Variants in PELI2 observed in about 807,000 individuals in gnomAD.
PELI2 encodes E3 ubiquitin-protein ligase pellino homolog 2.
Under a neutral mutation model 42.3 loss-of-function variants are expected in PELI2, and 23 were observed. That is an observed-to-expected ratio of 0.54 (90% CI 0.39 to 0.77). The LOEUF (loss-of-function observed/expected upper bound fraction) is 0.77. Among genes scored for constraint, PELI2 ranks in the 30% least tolerant of loss-of-function variants. The pLI is 0.00. For missense variants in PELI2, 463 were observed against 553.2 expected, an observed-to-expected ratio of 0.84 and a Z score of 1.64; for synonymous variants, 245 against 212.2, an observed-to-expected ratio of 1.15 and a Z score of -1.34.
intron 2 of PELI2, among the ~76,000 whole-genome samples, chr14:56,266,333 A>G (rs1053096027): frequency 6.6e-6 from 1 of 152,010 alleles, no homozygotes; most frequent in Non-Finnish European, 1.5e-5. Context: ...AACACAAATG[A>G]GTGGGAAGAT....
At chr14:56,213,763 ATTAT>A (rs1029769812) in intron 2 of PELI2, among the ~76,000 whole-genome samples, 17 of 152,098 alleles carry the variant, frequency 1.1e-4, no homozygotes, top group African/African-American at 4.1e-4. Flanking sequence ...AAAACTTAAG[ATTAT>A]TTATTTAGTT....
chr14:56,145,041 A>C (rs951428077), intron 1 of PELI2: 1 of 754,560 alleles, frequency 1.3e-6, no homozygotes. Context: ...GTGTATTGCT[A>C]TGAAGAACTT....
chr14:56,127,766 C>T (rs1883328436), intron 1 of PELI2, among the ~76,000 whole-genome samples: 1 of 152,084 alleles, frequency 6.6e-6, no homozygotes, highest in Admixed American at 6.5e-5. Flanking sequence ...CTGAAATTTC[C>T]CCAGATTCTG....
chr14:56,135,871 G>A (rs1883671566), intron 1 of PELI2, among the ~76,000 whole-genome samples: 1 of 152,214 alleles, frequency 6.6e-6, no homozygotes, highest in African/African-American at 2.4e-5. Flanking sequence ...TAGGTTAACT[G>A]ATGATTAAGC....
intron 1 of PELI2, among the ~76,000 whole-genome samples, chr14:56,143,256 T>C (rs1183585751): frequency 6.6e-6 from 1 of 152,238 alleles, no homozygotes; most frequent in East Asian, 1.9e-4. Context: ...CAGTTTTGTC[T>C]AGAAGTCCAC....
At chr14:56,187,556 G>A (rs1384495795) in intron 2 of PELI2, among the ~76,000 whole-genome samples, 1 of 152,196 alleles carries the variant, frequency 6.6e-6, no homozygotes, top group Non-Finnish European at 1.5e-5. Context: ...GAGGATCATT[G>A]AGGTACCAGT....
intron 3 of PELI2, among the ~76,000 whole-genome samples, chr14:56,283,308 C>T (rs1005479232): frequency 6.6e-6 from 1 of 152,138 alleles, no homozygotes; most frequent in African/African-American, 2.4e-5. Context: ...TATCGAAAGA[C>T]TCAAGATTTA....
Position 56,296,830 on chromosome 14 carries a change from A to G in PELI2, c.927A>G (p.Ala309=), listed in dbSNP as rs1234088249. 1.9e-6 allele frequency: 3 copies of G among 1,614,018 alleles called. No homozygotes were observed. The highest frequency in any genetic ancestry group is 2.7e-5 in the African/African-American group (2 of 74,932). ...TGGTGGAGGAGAAGCAGCCCTGGGCATATCTCAGTTGTGGCCACGTGCACG... is the reference window on the plus strand; with the variant it reads ...TGGTGGAGGAGAAGCAGCCCTGGGCGTATCTCAGTTGTGGCCACGTGCACG... ...KEVVEEKQPW[A]YLSCGHVHGY... Residue 309 remains alanine (A), a synonymous_variant, in exon 6 of 6, where the codon GCA becomes GCG. Transcript: ENST00000267460.
intron 1 of PELI2, among the ~76,000 whole-genome samples, chr14:56,126,643 T>G (rs1241111903): frequency 1.3e-5 from 2 of 152,212 alleles, no homozygotes; most frequent in African/African-American, 4.8e-5. Flanking sequence ...CTTTCCCATC[T>G]TGTGCTTCCT....
At chr14:56,221,099 C>T (rs550328813) in intron 2 of PELI2, among the ~76,000 whole-genome samples, 1 of 152,230 alleles carries the variant, frequency 6.6e-6, no homozygotes, top group South Asian at 2.1e-4. Context: ...TTCTAGAAAG[C>T]CGAAGTTGCA....
chr14:56,216,165 C>T (rs1236319912), intron 2 of PELI2, among the ~76,000 whole-genome samples: 1 of 150,852 alleles, frequency 6.6e-6, no homozygotes. Context: ...TTTGTGTACC[C>T]ATGAAATCAT....
intron 2 of PELI2, among the ~76,000 whole-genome samples, chr14:56,191,643 C>A (rs1885951580): frequency 6.6e-6 from 1 of 152,172 alleles, no homozygotes; most frequent in African/African-American, 2.4e-5. Flanking sequence ...ATTCCTTGCC[C>A]ACCTTCTGAG....
intron 1 of PELI2, among the ~76,000 whole-genome samples, chr14:56,160,879 C>T (rs906180612): frequency 6.6e-5 from 10 of 152,324 alleles, no homozygotes; most frequent in African/African-American, 2.4e-4. Flanking sequence ...AAGTTCACAG[C>T]ATCAGCTAGG....
chr14:56,225,705 C>T (rs2139758743), intron 2 of PELI2, among the ~76,000 whole-genome samples: 1 of 152,276 alleles, frequency 6.6e-6, no homozygotes, highest in South Asian at 2.1e-4. Context: ...CCTCGGTTTT[C>T]CTTGTCCTAG....
intron 2 of PELI2, among the ~76,000 whole-genome samples, chr14:56,269,780 G>C (rs918903727): frequency 6.6e-6 from 1 of 152,166 alleles, no homozygotes; most frequent in Non-Finnish European, 1.5e-5. Flanking sequence ...AAAAAGACTG[G>C]AGTTCTTACC....
chr14:56,280,799 T>C (rs186830845), intron 3 of PELI2, among the ~76,000 whole-genome samples: 9 of 152,144 alleles, frequency 5.9e-5, no homozygotes, highest in African/African-American at 1.4e-4. Flanking sequence ...AAATTAGAAG[T>C]CGAACTAGAG....
chr14:56,151,530 G>T (rs1455021570), intron 1 of PELI2, among the ~76,000 whole-genome samples: 1 of 152,174 alleles, frequency 6.6e-6, no homozygotes. Flanking sequence ...GAATGTAGTT[G>T]TTCAGCTAGG....
intron 2 of PELI2, among the ~76,000 whole-genome samples, chr14:56,230,471 C>A (rs541645812): frequency 6.6e-6 from 1 of 152,306 alleles, no homozygotes; most frequent in South Asian, 2.1e-4. Flanking sequence ...AAAGAGTTTT[C>A]ATGCCAGAAT....
chr14:56,181,840 A>ATGTGTG lies in PELI2; in HGVS notation c.207+3404_207+3409dup, dbSNP rs3042510. Among the ~76,000 whole-genome samples, 179 of 148,360 alleles carry ATGTGTG rather than the reference A, an allele frequency of 1.2e-3. 2 individuals are homozygous for ATGTGTG. Among genetic ancestry groups the ATGTGTG allele is most frequent in the African/African-American group, 3.6e-3 (146 of 40,780 alleles). On this transcript the variant is annotated intron_variant, in intron 2 of 5. Transcript: ENST00000267460. ...TCAGAGGTATTTCTCTGATTATGTA[A>ATGTGTG]TGTGTGTGTGTGTGTGTGTGTGTGT...
Sources: allele counts gnomAD v4.1 joint callset (sites outside exome capture counted in the v4.1 genomes callset), GRCh38; gene constraint gnomAD v4.1.1; transcripts MANE v1.5; gene names NCBI Gene and HGNC (gene_info 2026-07-23, HGNC 2026-07-21).